NFKB1: variants seen among roughly 807,000 people sequenced by gnomAD.
NFKB1 encodes nuclear factor kappa B subunit 1, also known as nuclear factor NF-kappa-B p105 subunit.
Under a neutral mutation model 105.1 loss-of-function variants are expected in NFKB1, and 9 were observed. That is an observed-to-expected ratio of 0.09 (90% CI 0.05 to 0.15). The LOEUF (loss-of-function observed/expected upper bound fraction) is 0.15, where lower values mean the gene tolerates loss of function less well. Among genes scored for constraint, NFKB1 ranks in the 10% least tolerant of loss-of-function variants. NFKB1 has a pLI of 1.00. For missense variants in NFKB1, 830 were observed against 1,203.7 expected (o/e 0.69, Z 4.59); for synonymous variants, 440 against 442.2 (o/e 1.00, Z 0.06).
At chr4:102,613,075 A>G (rs1728575562) in intron 22 of NFKB1, among the ~76,000 whole-genome samples, 1 of 151,904 alleles carries the variant, frequency 6.6e-6, no homozygotes, top group South Asian at 2.1e-4. Flanking sequence ...TGAAAATTTC[A>G]TGGTTAGCTT....
intron 11 of NFKB1, among the ~76,000 whole-genome samples, chr4:102,589,247 G>A (rs1725976567): frequency 1.3e-5 from 2 of 152,170 alleles, no homozygotes; most frequent in South Asian, 4.1e-4. Flanking sequence ...CATGTCAATA[G>A]ATAACATTTA....
intron 5 of NFKB1, among the ~76,000 whole-genome samples, chr4:102,538,799 C>T (rs754726641): frequency 5.9e-5 from 9 of 152,138 alleles, no homozygotes; most frequent in Non-Finnish European, 1.0e-4. Flanking sequence ...ATTATTTAGT[C>T]AGTAATTCAA....
At chr4:102,542,857 TACTA>T (rs1742097815) in intron 5 of NFKB1, among the ~76,000 whole-genome samples, 2 of 152,224 alleles carry the variant, frequency 1.3e-5, no homozygotes, top group Non-Finnish European at 2.9e-5. Context: ...ATGTAGTTTG[TACTA>T]ACTCTTATAG....
At chr4:102,550,135 C>CAGGAATGGCT (rs1416894419) in intron 5 of NFKB1, among the ~76,000 whole-genome samples, 11 of 152,008 alleles carry the variant, frequency 7.2e-5, no homozygotes, top group Admixed American at 2.6e-4. Flanking sequence ...ATTCATTGTA[C>CAGGAATGGCT]TATAAGCCAT....
At chr4:102,502,123 G>C (rs1295967051) in intron 1 of NFKB1, 1 of 152,614 alleles carries the variant, frequency 6.6e-6, no homozygotes, top group East Asian at 1.9e-4. Context: ...CCCCACCTGG[G>C]GGATGGTGAG....
At chr4:102,502,518 C>T (rs1004321692) in intron 1 of NFKB1, among the ~76,000 whole-genome samples, 2 of 152,074 alleles carry the variant, frequency 1.3e-5, no homozygotes, top group African/African-American at 4.8e-5. Flanking sequence ...ATACTTAGAG[C>T]ACTTTTTAGA....
intron 6 of NFKB1, among the ~76,000 whole-genome samples, chr4:102,575,121 T>C (rs1412483750): frequency 6.6e-6 from 1 of 152,248 alleles, no homozygotes; most frequent in African/African-American, 2.4e-5. Flanking sequence ...CTGTGCTGTA[T>C]TAATTCATGC....
intron 11 of NFKB1, among the ~76,000 whole-genome samples, chr4:102,588,379 C>T (rs138453529): frequency 4.3e-4 from 64 of 149,978 alleles, no homozygotes; most frequent in African/African-American, 1.4e-3. Flanking sequence ...GGGAGACGAT[C>T]GAAATAATCA....
At chr4:102,516,278 G>T (rs1740177434) in intron 1 of NFKB1, among the ~76,000 whole-genome samples, 1 of 151,854 alleles carries the variant, frequency 6.6e-6, no homozygotes, top group South Asian at 2.1e-4. Flanking sequence ...GAGATTCTTG[G>T]ATCTGTGGGT....
At chr4:102,570,420 A>G (rs565907425) in intron 6 of NFKB1, among the ~76,000 whole-genome samples, 1 of 152,272 alleles carries the variant, frequency 6.6e-6, no homozygotes, top group South Asian at 2.1e-4. Flanking sequence ...ATAGTATTCC[A>G]TGGTATATAT....
intron 10 of NFKB1, among the ~76,000 whole-genome samples, chr4:102,583,519 C>A (rs141153463): frequency 4.0e-4 from 61 of 152,206 alleles, no homozygotes; most frequent in African/African-American, 1.4e-3. Context: ...GACAGTGCCC[C>A]ACAGGTCCTT....
At chr4:102,539,671 C>T (rs7693670) in intron 5 of NFKB1, among the ~76,000 whole-genome samples, 9 of 152,146 alleles carry the variant, frequency 5.9e-5, no homozygotes, top group African/African-American at 2.2e-4. Context: ...ATAACATTAT[C>T]TCTTTTAATC....
intron 6 of NFKB1, among the ~76,000 whole-genome samples, chr4:102,573,996 T>C (rs994199584): frequency 2.0e-5 from 3 of 152,040 alleles, no homozygotes; most frequent in Admixed American, 1.3e-4. Context: ...ACAAATTCTG[T>C]CTTCTGGATC....
Position 102,613,579 on chromosome 4 carries a change from T to C in NFKB1, c.2747T>C (p.Ile916Thr). 6.2e-7 allele frequency: 1 copy of C among 1,609,216 alleles called. No homozygotes were observed. The highest frequency in any genetic ancestry group is 8.5e-7 in the Non-Finnish European group (1 of 1,178,542). ...TCGCCTGCCTCCACAAGGCAGCAAA[T>C]AGGTAAAAAAAAAGACAAAAGACAG... ...PLSPASTRQQ[I>T]DELRDSDSVC... The change falls in exon 23 of 24, where the codon ATA (isoleucine) becomes ACA (threonine). Residue 916 changes from isoleucine (I) to threonine (T), a missense_variant and splice_region_variant. Ile to Thr is a moderately conservative substitution (Grantham distance 89). Coordinates refer to ENST00000226574, the MANE Select transcript of NFKB1 (RefSeq NM_003998.4).
chr4:102,610,826 G>A, intron 20 of NFKB1, 127 bp downstream of exon 20: 2 of 1,190,122 alleles, frequency 1.7e-6, no homozygotes, highest in Admixed American at 2.9e-5. Flanking sequence ...AAGAAAGTCT[G>A]TTTGTCAGAG....
intron 6 of NFKB1, among the ~76,000 whole-genome samples, chr4:102,572,830 T>G (rs992906206): frequency 1.3e-5 from 2 of 152,262 alleles, no homozygotes; most frequent in African/African-American, 4.8e-5. Flanking sequence ...GTATTTATCA[T>G]TTGCAGTGCT....
At chr4:102,518,911 G>A (rs1740382077) in intron 1 of NFKB1, among the ~76,000 whole-genome samples, 1 of 152,158 alleles carries the variant, frequency 6.6e-6, no homozygotes, top group Admixed American at 6.5e-5. Context: ...ATCATTGCAA[G>A]GCCTCTTATA....
At chr4:102,566,863 C>A in intron 5 of NFKB1, 124 bp from the exon 6 acceptor site, 1 of 889,148 alleles carries the variant, frequency 1.1e-6, no homozygotes, top group Non-Finnish European at 1.7e-6. Flanking sequence ...GGGCTGTAAT[C>A]ATGTATATAC....
In NFKB1 at chr4:102,574,743, A is replaced by T. The variant is rs138138926; in HGVS notation, c.408-2133A>T. On this transcript the variant is annotated intron_variant, in intron 6 of 23. Coordinates refer to ENST00000226574, the MANE Select transcript of NFKB1 (RefSeq NM_003998.4). ...TAAAAACCATTTCTTCATGTATTTT[A>T]GATATTTAAGGTTCAAACCAGTCTG... 3.3e-5 allele frequency among the ~76,000 whole-genome samples: 5 copies of T among 152,296 alleles called. No individual in the cohort carries two copies. The East Asian group carries it at 9.7e-4, about 29-fold the overall frequency.
Sources: allele counts gnomAD v4.1 joint callset (sites outside exome capture counted in the v4.1 genomes callset), GRCh38; gene constraint gnomAD v4.1.1; transcripts MANE v1.5; gene names NCBI Gene and HGNC (gene_info 2026-07-23, HGNC 2026-07-21).